SYVN1: variants seen among roughly 807,000 people sequenced by gnomAD.
SYVN1 encodes the protein E3 ubiquitin-protein ligase synoviolin.
Under a neutral mutation model 62.6 loss-of-function variants are expected in SYVN1, and 17 were observed. That is an observed-to-expected ratio of 0.27 (90% CI 0.19 to 0.41). The LOEUF is 0.41. SYVN1 is among the 10% of genes least tolerant of loss of function. The probability of loss-of-function intolerance (pLI) is 1.00; values close to 1 mark genes in which losing one functional copy is unlikely to be tolerated. For missense variants in SYVN1, 634 were observed against 818.0 expected (o/e 0.78, Z 2.74); for synonymous variants, 316 against 304.0 (o/e 1.04, Z -0.41).
intron 5 of SYVN1, 113 bp downstream of exon 5, chr11:65,132,619 T>A: frequency 1.5e-6 from 2 of 1,295,662 alleles, no homozygotes; most frequent in Non-Finnish European, 2.2e-6. Context: ...CTATGCAAAT[T>A]AACTTCCTAA....
chr11:65,132,808 C>G, intron 4 of SYVN1, 28 bp from the exon 5 acceptor site: 1 of 1,613,754 alleles, frequency 6.2e-7, no homozygotes, highest in Non-Finnish European at 8.5e-7. Flanking sequence ...AGAGGCCTGT[C>G]AGGAGGCCTG....
chr11:65,131,551 C>T lies in SYVN1; in HGVS notation c.577G>A (p.Val193Met). The change falls in exon 7 of 16, where the codon GTG (valine) becomes ATG (methionine). Residue 193 changes from valine to methionine, a missense_variant. Val to Met is a conservative substitution (Grantham distance 21). Transcript: ENST00000377190. ...TMVLTIFIKY[V>M]LHSVDLQSEN... ...CTCTGGAGGTCCACGGAGTGCAGCA[C>T]ATACTTGATGAAGATGGTGAGCACC... 1 of 1,614,010 alleles carries T rather than the reference C, an allele frequency of 6.2e-7. No individual in the cohort carries two copies. Among genetic ancestry groups the T allele is most frequent in the East Asian group, 2.2e-5 (1 of 44,880 alleles).
chr11:65,132,642 G>A, intron 5 of SYVN1, 90 bp downstream of exon 5: 2 of 1,397,758 alleles, frequency 1.4e-6, no homozygotes, highest in East Asian at 2.3e-5. Flanking sequence ...TATCTTTCCT[G>A]TACAGCTGTG....
chr11:65,128,037 A>C lies in SYVN1; in HGVS notation c.*345T>G. ...GGCACTGCAGTGTGACTCCGCACAT[A>C]CAAGTAGGGCTTGGAGGGGCAGCCC... On this transcript the variant is annotated 3_prime_UTR_variant, in exon 16 of 16. Coordinates refer to ENST00000377190, the MANE Select transcript of SYVN1 (RefSeq NM_172230.3). The C allele has an allele frequency of 2.3e-6, 1 of 427,868 alleles. No homozygotes were observed. Among genetic ancestry groups the C allele is most frequent in the Non-Finnish European group, 4.3e-6 (1 of 234,176 alleles). 26.5% of individuals were successfully genotyped at this position (427,868 alleles called of 1,614,324 possible).
chr11:65,133,129 GCCCT>G, intron 3 of SYVN1, 27 bp downstream of exon 3: 1 of 1,614,144 alleles, frequency 6.2e-7, no homozygotes, highest in South Asian at 1.1e-5. Flanking sequence ...CCAGCACCCT[GCCCT>G]CACCTTTGGG....
rs1734780056 is a variant in SYVN1, at chr11:65,128,209, T to G, written c.*173A>C. On this transcript the variant is annotated 3_prime_UTR_variant, in exon 16 of 16. Coordinates refer to ENST00000377190, the MANE Select transcript of SYVN1 (RefSeq NM_172230.3). ...TCCCCATGGCTGCCTGGGACTGGAGTCAAATGGGAACCCCAGCCTCTTTCC... is the reference window on the plus strand; with the variant it reads ...TCCCCATGGCTGCCTGGGACTGGAGGCAAATGGGAACCCCAGCCTCTTTCC... 3.3e-6 allele frequency: 2 copies of G among 611,100 alleles called. No homozygotes were observed. The highest frequency in any genetic ancestry group is 2.8e-5 in the East Asian group (1 of 35,756). The allele number at this position is 611,100 out of a possible 1,614,324, so 37.9% of individuals were successfully genotyped here. A position where few individuals can be genotyped will look rare whatever the true frequency, so the allele number is the denominator to read the frequency against.
rs757394569 is a variant in SYVN1 at position 65,130,088 on chromosome 11, C to G, written c.1322G>C (p.Gly441Ala). ...TAASATASGP[G>A]SGSAPEAGPA... ...GCCAGCCTCTGGGGCAGAGCCAGAG[C>G]CTGGGCCAGATGCTGTGGCAGAAGC... The change falls in exon 13 of 16, where the codon GGC becomes GCC. Residue 441 changes from glycine (G) to alanine (A), a missense_variant. By Grantham distance (60) the Gly-to-Ala change is moderately conservative. Transcript: ENST00000377190. The G allele has an allele frequency of 1.9e-6, 3 of 1,610,576 alleles. No individual in the cohort carries two copies. In the East Asian group the frequency reaches 6.7e-5, roughly 36 times the overall value.
intron 2 of SYVN1, 70 bp from the exon 3 acceptor site, chr11:65,133,322 G>A (rs555015258): frequency 1.9e-6 from 3 of 1,585,304 alleles, no homozygotes; most frequent in Non-Finnish European, 2.6e-6. Context: ...CATCATGCAG[G>A]ATCCTCCACA....
At chr11:65,133,901 G>A (rs1948213466) in intron 1 of SYVN1, among the ~76,000 whole-genome samples, 1 of 152,264 alleles carries the variant, frequency 6.6e-6, no homozygotes, top group Admixed American at 6.5e-5. Flanking sequence ...AGGTGATGAG[G>A]AAAAGCTGCA....
At position 65,129,749 on chromosome 11, in the gene SYVN1, G is replaced by A. The variant is rs1307877847; in HGVS notation, c.1575C>T (p.Leu525=). The A allele has an allele frequency of 6.2e-7, 1 of 1,614,220 alleles. No individual in the cohort carries two copies. The highest frequency in any genetic ancestry group is 8.5e-7 in the Non-Finnish European group (1 of 1,180,016). Residue 525 remains leucine (L), a synonymous_variant, in exon 14 of 16, where the codon CTC becomes CTT. Coordinates refer to ENST00000377190, the MANE Select transcript of SYVN1 (RefSeq NM_172230.3). ...CACACCCCAAGGAGGCCAGCACGGT[G>A]AGGTACTGGTTGATCTGCAGCATGG... is the stretch of plus-strand genomic sequence containing the variant. ...DAAMLQINQY[L]TVLASLGPPR...
In SYVN1 at chr11:65,133,566, C is replaced by T. The variant is rs757289040; in HGVS notation, c.36G>A (p.Leu12=). Residue 12 remains leucine, a synonymous_variant, in exon 2 of 16, where the codon CTG becomes CTA. Coordinates refer to ENST00000377190, the MANE Select transcript of SYVN1 (RefSeq NM_172230.3). The part of the protein sequence containing the change: ...FRTAVMMAAS[L]ALTGAVVAHA... ...GAGCCACCACAGCCCCGGTCAGCGCCAGGCTGGCCGCCATCATCACTGCCG... is the reference window on the plus strand; with the variant it reads ...GAGCCACCACAGCCCCGGTCAGCGCTAGGCTGGCCGCCATCATCACTGCCG... 1 of 1,612,258 alleles carries T rather than the reference C, an allele frequency of 6.2e-7. No individual in the cohort carries two copies. The highest frequency in any genetic ancestry group is 2.2e-5 in the East Asian group (1 of 44,886).
chr11:65,132,184 G>T, intron 6 of SYVN1, 64 bp downstream of exon 6: 1 of 1,295,166 alleles, frequency 7.7e-7, no homozygotes, highest in Non-Finnish European at 1.1e-6. Context: ...GGTCTGTTGG[G>T]TTATTCAAGG....
At position 65,130,730 on chromosome 11, in the gene SYVN1, G is replaced by A. The variant is rs763278250; in HGVS notation, c.1035C>T (p.Pro345=). The change falls in exon 11 of 16, where the codon CCC becomes CCT. Residue 345 remains proline, a synonymous_variant. Coordinates refer to ENST00000377190, the MANE Select transcript of SYVN1 (RefSeq NM_172230.3). ...GTGGCCCCTGATCCGCAGGCTCCGG[G>A]GGTGGTGGTGACTGCGCTGGCAGCG... ...RASLPAQSPP[P]PEPADQGPPP... is the part of the protein sequence containing the mutation. 28 of 1,528,684 alleles carry A rather than the reference G, an allele frequency of 1.8e-5. No homozygotes were observed. The highest frequency in any genetic ancestry group is 2.4e-5 in the Non-Finnish European group (27 of 1,142,364). The allele number at this position is 1,528,684 out of a possible 1,614,324, so 94.7% of individuals were successfully genotyped here.
intron 6 of SYVN1, among the ~76,000 whole-genome samples, chr11:65,131,898 A>T (rs550386243): frequency 1.1e-4 from 17 of 152,288 alleles, no homozygotes; most frequent in African/African-American, 3.9e-4. Context: ...CACTCAACAA[A>T]TATGAGCTGT....
At position 65,133,465 on chromosome 11, in the gene SYVN1, C is replaced by T; in HGVS notation, c.132+5G>A. On this transcript the variant is annotated splice_donor_5th_base_variant and intron_variant, in intron 2 of 15. Coordinates refer to ENST00000377190, the MANE Select transcript of SYVN1 (RefSeq NM_172230.3). ...AGTTCCTCCCTCCCTGAGCCCTGAA[C>T]TCACTGCCATGCTGGGGCTGGACTT... 6.2e-7 allele frequency: 1 copy of T among 1,613,656 alleles called. No individual in the cohort carries two copies. The highest frequency in any genetic ancestry group is 1.1e-5 in the South Asian group (1 of 91,074).
Position 65,128,731 on chromosome 11 carries a change from CGA to C in SYVN1, c.1596-19_1596-18del. On this transcript the variant is annotated intron_variant, in intron 14 of 15. Coordinates refer to ENST00000377190, the MANE Select transcript of SYVN1 (RefSeq NM_172230.3). ...CGGGGGGGCCTGGGAAGAGAAGGGA[CGA>C]GAGGCGGGCCTGGCCTTGGCATCCA... The C allele has an allele frequency of 6.3e-7, 1 of 1,586,144 alleles. No individual in the cohort carries two copies.
At chr11:65,129,305 A>C (rs1279863060) in intron 14 of SYVN1, 1 of 179,876 alleles carries the variant, frequency 5.6e-6, no homozygotes, top group Non-Finnish European at 1.2e-5. Flanking sequence ...AGAGGTCAAA[A>C]ATGAGTGATG....
chr11:65,128,111 A>G lies in SYVN1; in HGVS notation c.*271T>C. Reference sequence around the variant, plus strand: ...AAGAAGAGGGCTTCTCAGAGGCTAAACCTTCTGCCTTCATGGCCCCAGCAG... The same window carrying G: ...AAGAAGAGGGCTTCTCAGAGGCTAAGCCTTCTGCCTTCATGGCCCCAGCAG... On this transcript the variant is annotated 3_prime_UTR_variant, in exon 16 of 16. Coordinates refer to ENST00000377190, the MANE Select transcript of SYVN1 (RefSeq NM_172230.3). 1.8e-6 allele frequency: 1 copy of G among 566,796 alleles called. No homozygotes were observed. Among genetic ancestry groups the G allele is most frequent in the Non-Finnish European group, 3.1e-6 (1 of 318,386 alleles). The allele number at this position is 566,796 out of a possible 1,614,324, so 35.1% of individuals were successfully genotyped here. A position where few individuals can be genotyped will look rare whatever the true frequency, so the allele number is the denominator to read the frequency against.
intron 2 of SYVN1, 78 bp downstream of exon 2, chr11:65,133,392 C>CT: frequency 6.3e-7 from 1 of 1,593,382 alleles, no homozygotes. Flanking sequence ...CTTACCTGAC[C>CT]TCTAGCCCCG....
Sources: allele counts gnomAD v4.1 joint callset (sites outside exome capture counted in the v4.1 genomes callset), GRCh38; gene constraint gnomAD v4.1.1; transcripts MANE v1.5; gene names NCBI Gene and HGNC (gene_info 2026-07-23, HGNC 2026-07-21).